SOCS2: variants seen among roughly 807,000 people sequenced by gnomAD.
The protein encoded by SOCS2 is suppressor of cytokine signaling 2, also known as CIS-2.
Under a neutral mutation model 18.6 loss-of-function variants are expected in SOCS2, and 10 were observed. The observed-to-expected ratio is 0.54, with a 90% CI of 0.33 to 0.91. SOCS2 has a LOEUF of 0.91. SOCS2 is among the 40% of genes least tolerant of loss of function. SOCS2 has a pLI of 0.02. For synonymous variants in SOCS2, 104 were observed against 104.0 expected (o/e 1.00, Z 0.00); for missense variants, 231 against 247.2 (o/e 0.93, Z 0.44).
At chr12:93,576,789 G>T (rs1743212228), downstream of SOCS2, 1 of 152,168 alleles carries the variant, frequency 6.6e-6, no homozygotes, top group South Asian at 2.1e-4. Flanking sequence ...ATGGTTTTGT[G>T]CCTGGCAGGA....
the SOCS2 span, among the ~76,000 whole-genome samples, chr12:93,614,429 C>CTT: frequency 3.9e-4 from 16 of 41,508 alleles, 2 homozygotes; most frequent in African/African-American, 1.6e-3. Context: ...TCCTTTCTTT[C>CTT]CCTTCCTTCC....
chr12:93,598,480 G>T, the SOCS2 span, among the ~76,000 whole-genome samples: 4 of 152,196 alleles, frequency 2.6e-5, no homozygotes, highest in Non-Finnish European at 4.4e-5. Context: ...GGCATAAAAG[G>T]CATTCAAGTG....
chr12:93,591,690 G>C, the SOCS2 span, among the ~76,000 whole-genome samples: 3,945 of 152,178 alleles, frequency 0.026, 130 homozygotes, highest in African/African-American at 0.076. Context: ...GGCGCCGCTC[G>C]GGTCTCCCAG....
At chr12:93,583,821 A>C (rs1165542413), downstream of SOCS2, among the ~76,000 whole-genome samples, 1 of 152,238 alleles carries the variant, frequency 6.6e-6, no homozygotes, top group African/African-American at 2.4e-5. Context: ...GTATAACCTC[A>C]CTGAAAGTTC....
chr12:93,573,321 G>A lies in SOCS2; in HGVS notation c.139+285G>A, dbSNP rs575617803. 2.7e-4 allele frequency: 143 copies of A among 533,606 alleles called. 1 individual carries two copies. Among genetic ancestry groups the A allele is most frequent in the African/African-American group, 8.8e-4 (45 of 51,250 alleles). 33.1% of individuals were successfully genotyped at this position (533,606 alleles called of 1,614,324 possible). ...TTACTGTTTTCCGCAGCTGCTCAGG[G>A]TTAGGCTCCCGGGCTCGAACCCCGG... On this transcript the variant is annotated intron_variant, in intron 1 of 1. Coordinates refer to ENST00000551556, the MANE Select transcript of SOCS2 (RefSeq NM_001270471.2).
chr12:93,621,636 C>T, the SOCS2 span, among the ~76,000 whole-genome samples: 1 of 152,110 alleles, frequency 6.6e-6, no homozygotes, highest in Non-Finnish European at 1.5e-5. Context: ...ACCATCATGC[C>T]CAGCTAATTA....
the SOCS2 span, among the ~76,000 whole-genome samples, chr12:93,614,524 C>T: frequency 4.7e-4 from 38 of 80,566 alleles, 5 homozygotes; most frequent in African/African-American, 2.5e-3. Context: ...TCCTTCCTTC[C>T]TTCCTTCCTT....
chr12:93,624,220 C>T, the SOCS2 span, among the ~76,000 whole-genome samples: 2 of 152,190 alleles, frequency 1.3e-5, no homozygotes, highest in East Asian at 3.9e-4. Flanking sequence ...TAGGCCCTCA[C>T]CAGACACGAA....
the SOCS2 span, among the ~76,000 whole-genome samples, chr12:93,614,393 CTT>C: frequency 7.1e-6 from 1 of 140,212 alleles, no homozygotes; most frequent in Non-Finnish European, 1.5e-5. Context: ...TTCTTTCTTT[CTT>C]TCTTTCTTTC....
At chr12:93,572,673 T>G, upstream of SOCS2, 1 of 694,502 alleles carries the variant, frequency 1.4e-6, no homozygotes, top group East Asian at 2.9e-5. This position sits in a 1 kb window ranked among gnomAD's most constrained non-coding sequence, Gnocchi z 5.0. Context: ...ACCTCCCGCT[T>G]TCTCTTTGTA....
At chr12:93,623,359 C>T in the SOCS2 span, among the ~76,000 whole-genome samples, 1 of 152,132 alleles carries the variant, frequency 6.6e-6, no homozygotes, top group Admixed American at 6.5e-5. Context: ...TCAATTAAAC[C>T]TCTTTCCTTT....
the SOCS2 span, among the ~76,000 whole-genome samples, chr12:93,590,783 CAAAAAAAAAAAAAAAAAAA>C: frequency 3.3e-3 from 129 of 38,956 alleles, 2 homozygotes; most frequent in African/African-American, 0.014. Flanking sequence ...GACTCCGCCT[CAAAAAAAAAAAAAAAAAAA>C]AAAAAAAAAA....
At chr12:93,572,674 T>C (rs1410031276), upstream of SOCS2, 2 of 721,242 alleles carry the variant, frequency 2.8e-6, no homozygotes, top group Non-Finnish European at 4.9e-6. The surrounding 1 kb of genome is among the most constrained non-coding windows in gnomAD (Gnocchi z 5.0). Flanking sequence ...CCTCCCGCTT[T>C]CTCTTTGTAG....
the SOCS2 span, among the ~76,000 whole-genome samples, chr12:93,624,845 T>TGACACA: frequency 3.9e-5 from 6 of 152,178 alleles, no homozygotes; most frequent in Non-Finnish European, 7.4e-5. Flanking sequence ...ATACTAAAGA[T>TGACACA]AGAACCCTAA....
the SOCS2 span, among the ~76,000 whole-genome samples, chr12:93,618,778 T>C: frequency 3.3e-5 from 5 of 151,000 alleles, 1 homozygote; most frequent in East Asian, 9.6e-4. Flanking sequence ...GCTATTATGT[T>C]AATATGGTTG....
At chr12:93,600,981 G>A in the SOCS2 span, among the ~76,000 whole-genome samples, 1 of 151,492 alleles carries the variant, frequency 6.6e-6, no homozygotes, top group African/African-American at 2.4e-5. Context: ...TGTAGAGACA[G>A]GGTTTTGCTA....
chr12:93,578,943 T>C (rs1053611328), downstream of SOCS2, among the ~76,000 whole-genome samples: 2 of 152,238 alleles, frequency 1.3e-5, no homozygotes, highest in East Asian at 1.9e-4. Context: ...GTTCTTGGCC[T>C]CCTCTACCCG....
At chr12:93,588,237 AGTT>A (rs1033100423), downstream of SOCS2, among the ~76,000 whole-genome samples, 32 of 152,370 alleles carry the variant, frequency 2.1e-4, no homozygotes, top group East Asian at 3.9e-4. Flanking sequence ...AGCATATTAC[AGTT>A]GTTGTAGGTA....
chr12:93,581,195 A>G (rs896500054), downstream of SOCS2, among the ~76,000 whole-genome samples: 7 of 152,236 alleles, frequency 4.6e-5, no homozygotes, highest in Admixed American at 3.9e-4. Flanking sequence ...GATAGATTGA[A>G]TCAGCCATGG....
Sources: gnomAD v4.1 joint callset for allele counts (sites outside exome capture counted in the v4.1 genomes callset) on GRCh38, gnomAD v4.1.1 for gene constraint, Gnocchi (gnomAD v3.1) non-coding constraint, MANE v1.5 for transcripts, NCBI Gene and HGNC (gene_info 2026-07-23, HGNC 2026-07-21) for gene names.